The following DLG2 variants were observed in gnomAD, a reference collection of about 807,000 sequenced individuals.
DLG2 encodes disks large homolog 2.
Under a neutral mutation model 132.5 loss-of-function variants are expected in DLG2, and 45 were observed. The observed-to-expected ratio is 0.34, with a 90% CI of 0.27 to 0.44. The LOEUF (loss-of-function observed/expected upper bound fraction) is 0.44. Among genes scored for constraint, DLG2 ranks in the 20% least tolerant of loss-of-function variants. The pLI, the probability that DLG2 is intolerant of heterozygous loss-of-function variation, is 1.00. For synonymous variants in DLG2, 424 were observed against 419.6 expected, an observed-to-expected ratio of 1.01 and a Z score of -0.13; for missense variants, 1,045 against 1,196.9, an observed-to-expected ratio of 0.87 and a Z score of 1.87.
chr11:85,585,851 C>A (rs1270235552), intron 3 of DLG2, among the ~76,000 whole-genome samples: 3 of 152,042 alleles, frequency 2.0e-5, no homozygotes, highest in Non-Finnish European at 4.4e-5. Context: ...GTAGCTGGGA[C>A]TACAGATGTG....
intron 3 of DLG2, among the ~76,000 whole-genome samples, chr11:85,581,266 C>T (rs7122887): frequency 0.26 from 39,967 of 151,972 alleles, 5,821 homozygotes; most frequent in East Asian, 0.37. Flanking sequence ...TGGTTGGCTC[C>T]CTTAACTCCG....
intron 6 of DLG2, among the ~76,000 whole-genome samples, chr11:84,782,983 T>C (rs2072108277): frequency 6.6e-6 from 1 of 152,154 alleles, no homozygotes; most frequent in African/African-American, 2.4e-5. Context: ...TAGTCCTTCC[T>C]ATGTATGAAG....
chr11:84,393,653 T>A (rs1022112521), intron 7 of DLG2, among the ~76,000 whole-genome samples: 1 of 152,174 alleles, frequency 6.6e-6, no homozygotes, highest in African/African-American at 2.4e-5. Context: ...TCTAGCTACC[T>A]TATTTTTGCT....
chr11:84,730,260 C>T (rs1228966980), intron 6 of DLG2, among the ~76,000 whole-genome samples: 2 of 151,664 alleles, frequency 1.3e-5, no homozygotes, highest in African/African-American at 4.8e-5. Flanking sequence ...TTCTTAAGTA[C>T]AAAAAAAGGG....
chr11:84,384,899 A>G (rs997139423), intron 7 of DLG2, among the ~76,000 whole-genome samples: 1 of 152,074 alleles, frequency 6.6e-6, no homozygotes, highest in African/African-American at 2.4e-5. Flanking sequence ...GATACATTCA[A>G]AGGCAACTTT....
At chr11:84,203,104 C>T (rs1409294212) in intron 8 of DLG2, among the ~76,000 whole-genome samples, 1 of 147,634 alleles carries the variant, frequency 6.8e-6, no homozygotes, top group Non-Finnish European at 1.5e-5. Context: ...CGAACAATCC[C>T]ATTACTAGGT....
At chr11:84,671,593 G>A (rs543471130) in intron 6 of DLG2, among the ~76,000 whole-genome samples, 14 of 152,104 alleles carry the variant, frequency 9.2e-5, no homozygotes, top group Admixed American at 2.0e-4. Context: ...AATGACTTCC[G>A]TGTTGGCTAT....
intron 3 of DLG2, among the ~76,000 whole-genome samples, chr11:85,384,069 T>A (rs1463077984): frequency 6.6e-6 from 1 of 152,210 alleles, no homozygotes; most frequent in Non-Finnish European, 1.5e-5. Context: ...CCTAGGATAC[T>A]TTTTATTGAA....
In DLG2 at chr11:83,992,396, G is replaced by T. The variant is rs1036929767; in HGVS notation, c.920-11754C>A. On this transcript the variant is annotated intron_variant, in intron 11 of 27. Transcript: ENST00000376104. ...GGCCTACCTTGGGCTAGAGGGGGTA[G>T]TGTCAGAGAAGGATAACTTCAGGTC... Among the ~76,000 whole-genome samples the T allele has an allele frequency of 4.6e-5, 7 of 152,078 alleles. No homozygotes were observed. The East Asian group carries it at 1.2e-3, about 25-fold the overall frequency.
At chr11:84,752,025 T>G (rs550852917) in intron 6 of DLG2, among the ~76,000 whole-genome samples, 1 of 152,274 alleles carries the variant, frequency 6.6e-6, no homozygotes, top group Admixed American at 6.5e-5. Context: ...CACTGGAAGG[T>G]AGAAGATGGC....
intron 17 of DLG2, among the ~76,000 whole-genome samples, chr11:83,812,672 T>C (rs760308929): frequency 3.9e-5 from 6 of 152,214 alleles, no homozygotes; most frequent in Non-Finnish European, 7.3e-5. Flanking sequence ...AATAATGCTT[T>C]GCCTGTTTCC....
chr11:84,273,276 A>C, intron 7 of DLG2: 1 of 1,495,610 alleles, frequency 6.7e-7, no homozygotes, highest in Non-Finnish European at 8.9e-7. Context: ...GGTAACACTC[A>C]AACTGAGCTC....
chr11:84,831,274 A>G (rs1195178243), intron 6 of DLG2, among the ~76,000 whole-genome samples: 1 of 151,528 alleles, frequency 6.6e-6, no homozygotes, highest in Non-Finnish European at 1.5e-5. Context: ...GCATGGGTGT[A>G]TTTCTATTTT....
At chr11:84,538,714 A>T (rs2099361270) in intron 6 of DLG2, among the ~76,000 whole-genome samples, 1 of 152,082 alleles carries the variant, frequency 6.6e-6, no homozygotes, top group Non-Finnish European at 1.5e-5. Flanking sequence ...TGTAAGGTAC[A>T]GTGTGGCAGG....
intron 7 of DLG2, among the ~76,000 whole-genome samples, chr11:84,378,306 T>A (rs1600998952): frequency 6.6e-6 from 1 of 152,262 alleles, no homozygotes; most frequent in Admixed American, 6.5e-5. Context: ...AAAGGTCATA[T>A]GAGGACACAG....
intron 3 of DLG2, among the ~76,000 whole-genome samples, chr11:85,400,620 A>C: frequency 1.4e-5 from 2 of 143,986 alleles, no homozygotes; most frequent in Non-Finnish European, 3.0e-5. Flanking sequence ...TGATGAGTTC[A>C]TTTCCTTTGT....
chr11:84,685,711 C>A (rs1340673979), intron 6 of DLG2, among the ~76,000 whole-genome samples: 1 of 151,530 alleles, frequency 6.6e-6, no homozygotes, highest in Non-Finnish European at 1.5e-5. Flanking sequence ...TTTTCTGTAT[C>A]CTTTTTTTTT....
intron 17 of DLG2, among the ~76,000 whole-genome samples, chr11:83,788,359 G>A (rs1453748232): frequency 1.3e-5 from 2 of 152,114 alleles, no homozygotes. Context: ...CTTACAGAAA[G>A]CATTGATTAC....
intron 3 of DLG2, among the ~76,000 whole-genome samples, chr11:85,290,832 A>C (rs2078847537): frequency 6.6e-6 from 1 of 152,132 alleles, no homozygotes; most frequent in Non-Finnish European, 1.5e-5. Context: ...TCTGGTCTTC[A>C]TAATAATGAT....
Sources: gnomAD v4.1 joint callset for allele counts (sites outside exome capture counted in the v4.1 genomes callset) on GRCh38, gnomAD v4.1.1 for gene constraint, MANE v1.5 for transcripts, NCBI Gene and HGNC (gene_info 2026-07-23, HGNC 2026-07-21) for gene names.